Variants in WDR1 observed in about 807,000 individuals in gnomAD.
WDR1 encodes the protein WD repeat domain 1.
WDR1 carries 21 observed loss-of-function variants against 71.9 expected under a neutral mutation model. The ratio of observed to expected loss-of-function variants is 0.29; its 90% confidence interval spans 0.21 to 0.42. The LOEUF is 0.42. Ranked by LOEUF, WDR1 falls within the 10% of genes least tolerant of loss-of-function variation. The pLI, the probability that WDR1 is intolerant of heterozygous loss-of-function variation, is 1.00. For missense variants in WDR1, 696 were observed against 824.5 expected (o/e 0.84, Z 1.91); for synonymous variants, 424 against 347.4 (o/e 1.22, Z -2.45).
intron 1 of WDR1, 196 bp from the exon 2 acceptor site, chr4:10,116,430 G>A (rs1713735907): frequency 2.3e-6 from 2 of 885,840 alleles, no homozygotes; most frequent in South Asian, 1.9e-5. Flanking sequence ...GGGGGCAGCG[G>A]GGCTCCTCCG....
At chr4:10,096,770 A>G (rs1712373474) in intron 5 of WDR1, among the ~76,000 whole-genome samples, 1 of 146,722 alleles carries the variant, frequency 6.8e-6, no homozygotes, top group Non-Finnish European at 1.5e-5. Context: ...TCCATGAGGC[A>G]GACAGTGAAA....
chr4:10,084,390 AT>A, intron 9 of WDR1, 52 bp downstream of exon 9: 1 of 1,547,532 alleles, frequency 6.5e-7, no homozygotes. Flanking sequence ...GGAACAGGAA[AT>A]TCCCCCCTAG....
chr4:10,082,103 G>A (rs1485623998), intron 10 of WDR1, among the ~76,000 whole-genome samples: 2 of 152,200 alleles, frequency 1.3e-5, no homozygotes, highest in African/African-American at 4.8e-5. Context: ...CGTGTTAAGA[G>A]TGGGGTCACC....
intron 4 of WDR1, 104 bp from the exon 5 acceptor site, chr4:10,097,995 G>T: frequency 8.1e-7 from 1 of 1,227,732 alleles, no homozygotes. Context: ...ACAGAGGATG[G>T]AGTGACTGTC....
intron 2 of WDR1, among the ~76,000 whole-genome samples, chr4:10,111,681 A>G (rs1434789187): frequency 2.0e-5 from 3 of 152,116 alleles, no homozygotes; most frequent in African/African-American, 7.2e-5. Flanking sequence ...GTCAGTCCTC[A>G]AGCCCTCTGT....
At chr4:10,095,741 AC>A (rs1428068811) in intron 5 of WDR1, among the ~76,000 whole-genome samples, 1 of 151,810 alleles carries the variant, frequency 6.6e-6, no homozygotes, top group Admixed American at 6.6e-5. Context: ...TGCCTCTCAC[AC>A]CCTCCCTGTG....
chr4:10,105,975 A>C (rs1160202254), intron 2 of WDR1, among the ~76,000 whole-genome samples: 1 of 152,260 alleles, frequency 6.6e-6, no homozygotes, highest in Admixed American at 6.5e-5. Context: ...TCAATCGCCA[A>C]CATGTTATGC....
chr4:10,079,941 G>C (rs1429975098), intron 11 of WDR1, among the ~76,000 whole-genome samples: 1 of 152,054 alleles, frequency 6.6e-6, no homozygotes. Flanking sequence ...GTTGTTTCCT[G>C]ATCTAAAATC....
chr4:10,088,540 T>C (rs1210123899), intron 6 of WDR1, 124 bp downstream of exon 6: 2 of 1,122,132 alleles, frequency 1.8e-6, no homozygotes, highest in Non-Finnish European at 2.6e-6. Flanking sequence ...AGTCTGCAGA[T>C]GTGGGGAGGG....
At chr4:10,097,645 C>T in intron 5 of WDR1, 66 bp downstream of exon 5, 1 of 1,530,968 alleles carries the variant, frequency 6.5e-7, no homozygotes, top group South Asian at 1.2e-5. Flanking sequence ...AGCATCTAAA[C>T]AGGCTCAGCC....
intron 14 of WDR1, chr4:10,076,591 C>G (rs950011643): frequency 1.3e-5 from 2 of 152,464 alleles, no homozygotes; most frequent in Middle Eastern, 6.8e-3. Context: ...CCTTCCAGAC[C>G]GGGCTGCCTT....
At chr4:10,100,460 T>G (rs1453860437) in intron 3 of WDR1, among the ~76,000 whole-genome samples, 2 of 152,080 alleles carry the variant, frequency 1.3e-5, no homozygotes, top group Admixed American at 6.5e-5. Context: ...AGTCCACGAA[T>G]TAACGGAGGC....
chr4:10,099,602 T>C, intron 3 of WDR1, among the ~76,000 whole-genome samples: 1 of 152,252 alleles, frequency 6.6e-6, no homozygotes, highest in Non-Finnish European at 1.5e-5. Flanking sequence ...TCCTTTGCAG[T>C]TGCTGCAGTG....
intron 11 of WDR1, among the ~76,000 whole-genome samples, 187 bp from the exon 12 acceptor site, chr4:10,079,188 C>T (rs979871614): frequency 2.0e-5 from 3 of 152,240 alleles, no homozygotes; most frequent in African/African-American, 7.2e-5. Flanking sequence ...GACAGTTGCT[C>T]TAGCCAGTCA....
At chr4:10,086,088 G>A (rs1711531664) in intron 8 of WDR1, among the ~76,000 whole-genome samples, 1 of 152,226 alleles carries the variant, frequency 6.6e-6, no homozygotes, top group Admixed American at 6.5e-5. Flanking sequence ...GACACCTGGA[G>A]AACACTGTCG....
intron 8 of WDR1, among the ~76,000 whole-genome samples, chr4:10,086,320 C>T (rs1388876910): frequency 2.6e-5 from 4 of 152,190 alleles, no homozygotes; most frequent in Non-Finnish European, 4.4e-5. Flanking sequence ...TCCCGATTCC[C>T]CTCTATCCTC....
At chr4:10,095,161 G>C (rs888076078) in intron 5 of WDR1, among the ~76,000 whole-genome samples, 4 of 152,232 alleles carry the variant, frequency 2.6e-5, no homozygotes, top group Non-Finnish European at 5.9e-5. Context: ...GGGGCGGCAG[G>C]CAAGGCCACC....
chr4:10,108,662 C>G (rs1174894236), intron 2 of WDR1, among the ~76,000 whole-genome samples: 1 of 152,236 alleles, frequency 6.6e-6, no homozygotes, highest in Non-Finnish European at 1.5e-5. Flanking sequence ...CCCTTATGTT[C>G]ACTGGTGACT....
intron 2 of WDR1, chr4:10,108,069 C>G (rs2108801754): frequency 6.6e-6 from 1 of 152,376 alleles, no homozygotes; most frequent in African/African-American, 2.4e-5. Flanking sequence ...CCCCCGGCAC[C>G]TGTACAATGT....
Sources: allele counts gnomAD v4.1 joint callset (sites outside exome capture counted in the v4.1 genomes callset), GRCh38; gene constraint gnomAD v4.1.1; transcripts MANE v1.5; gene names NCBI Gene and HGNC (gene_info 2026-07-23, HGNC 2026-07-21).